The following CMKLR1 variants were observed in gnomAD, a reference collection of about 807,000 sequenced individuals.
CMKLR1 encodes chemerin-like receptor 1.
In CMKLR1, 6 loss-of-function variants were observed where a neutral mutation model predicts 8.2. The observed-to-expected ratio is 0.73, with a 90% CI of 0.40 to 1.44. The LOEUF (loss-of-function observed/expected upper bound fraction) is 1.44. Ranked by LOEUF, CMKLR1 falls within the 40% of genes most tolerant of loss-of-function variation. The pLI is 0.02. For synonymous variants in CMKLR1, 178 were observed against 181.2 expected, an observed-to-expected ratio of 0.98 and a Z score of 0.14; for missense variants, 429 against 478.0, an observed-to-expected ratio of 0.90 and a Z score of 0.96.
intron 2 of CMKLR1, among the ~76,000 whole-genome samples, chr12:108,328,143 G>GGCCA (rs1892025235): frequency 6.6e-6 from 1 of 152,172 alleles, no homozygotes; most frequent in African/African-American, 2.4e-5. Context: ...GGCCAGACAG[G>GGCCA]GCCAGCTTCC....
intron 2 of CMKLR1, among the ~76,000 whole-genome samples, chr12:108,314,942 T>TTG (rs1555253109): frequency 6.7e-6 from 1 of 149,806 alleles, no homozygotes; most frequent in African/African-American, 2.5e-5. Flanking sequence ...TTGTTTTTTT[T>TTG]TTTTTTTTTT....
chr12:108,305,264 G>A (rs1355839479), intron 2 of CMKLR1, among the ~76,000 whole-genome samples: 1 of 152,162 alleles, frequency 6.6e-6, no homozygotes, highest in Non-Finnish European at 1.5e-5. Flanking sequence ...CCGTTCCATA[G>A]ATTTGCAAAT....
intron 2 of CMKLR1, among the ~76,000 whole-genome samples, chr12:108,328,482 A>G (rs185394266): frequency 2.0e-5 from 3 of 152,308 alleles, no homozygotes; most frequent in Non-Finnish European, 4.4e-5. Context: ...TGAGGCTCAG[A>G]GCAGTTAAGC....
chr12:108,330,310 A>G (rs1422224292), intron 1 of CMKLR1, 103 bp from the exon 2 acceptor site: 5 of 152,270 alleles, frequency 3.3e-5, no homozygotes, highest in African/African-American at 9.6e-5. Context: ...AATGCAGCCC[A>G]TGAGTAACGC....
rs1442975202 is a variant in CMKLR1, at chr12:108,290,390, C to T, written c.*1451G>A. On this transcript the variant is annotated 3_prime_UTR_variant, in exon 4 of 4. Transcript: ENST00000550402. ...ATGTAAAAGGGAAGTTATAACCATACCTAACTCAGGGTTGCTGTAATGATT... is the reference window on the plus strand; with the variant it reads ...ATGTAAAAGGGAAGTTATAACCATATCTAACTCAGGGTTGCTGTAATGATT... 1 of 152,132 alleles carries T rather than the reference C, an allele frequency of 6.6e-6. No homozygotes were observed. The highest frequency in any genetic ancestry group is 1.5e-5 in the Non-Finnish European group (1 of 68,038). The allele number at this position is 152,132 out of a possible 1,614,324, so 9.4% of individuals were successfully genotyped here.
At position 108,289,487 on chromosome 12, in the gene CMKLR1, G is replaced by T. The variant is rs542090225; in HGVS notation, c.*2354C>A. On this transcript the variant is annotated 3_prime_UTR_variant, in exon 4 of 4. Coordinates refer to ENST00000550402, the MANE Select transcript of CMKLR1 (RefSeq NM_001142343.2). ...AGGAGGAAAACAGCCGGTTTGAATT[G>T]TGCTCCTGTTTATCAGCTTTTCCAA... The T allele has an allele frequency of 1.3e-5, 2 of 152,346 alleles. No homozygotes were observed. The highest frequency in any genetic ancestry group is 4.1e-4 in the South Asian group (2 of 4,826). 9.4% of individuals were successfully genotyped at this position (152,346 alleles called of 1,614,324 possible). A position where few individuals can be genotyped will look rare whatever the true frequency, so the allele number is the denominator to read the frequency against.
chr12:108,310,245 T>C (rs1008336757), intron 2 of CMKLR1, among the ~76,000 whole-genome samples: 3 of 150,470 alleles, frequency 2.0e-5, no homozygotes, highest in African/African-American at 4.9e-5. Context: ...AAGAAGAGGG[T>C]TTCAGATTGT....
rs2137287461 is a variant in CMKLR1 at position 108,290,009 on chromosome 12, C to T, written c.*1832G>A. 1 of 152,382 alleles carries T rather than the reference C, an allele frequency of 6.6e-6. No homozygotes were observed. The highest frequency in any genetic ancestry group is 1.9e-4 in the East Asian group (1 of 5,184). The allele number at this position is 152,382 out of a possible 1,614,324, so 9.4% of individuals were successfully genotyped here. ...GGGCCTCAGGCCCACAAGGGACTGCCTCCTGCCAGCTTTCCCTCCCCATTG... is the reference window on the plus strand; with the variant it reads ...GGGCCTCAGGCCCACAAGGGACTGCTTCCTGCCAGCTTTCCCTCCCCATTG... On this transcript the variant is annotated 3_prime_UTR_variant, in exon 4 of 4. Transcript: ENST00000550402.
At chr12:108,310,708 T>C (rs916977456) in intron 2 of CMKLR1, among the ~76,000 whole-genome samples, 1 of 152,080 alleles carries the variant, frequency 6.6e-6, no homozygotes, top group Non-Finnish European at 1.5e-5. Flanking sequence ...GAAGGGCCCA[T>C]ACTGTCCAGT....
At chr12:108,317,302 T>C (rs10778621) in intron 2 of CMKLR1, among the ~76,000 whole-genome samples, 88,334 of 151,980 alleles carry the variant, frequency 0.58, 26,197 homozygotes, top group East Asian at 0.74. Context: ...GTTATTAGTG[T>C]CAAGGAGAGC....
At chr12:108,332,885 G>A (rs1332165164) in intron 1 of CMKLR1, among the ~76,000 whole-genome samples, 1 of 152,086 alleles carries the variant, frequency 6.6e-6, no homozygotes, top group Non-Finnish European at 1.5e-5. Flanking sequence ...GAGGTGGGAG[G>A]ATTACTTAAG....
chr12:108,324,490 A>G (rs578030453), intron 2 of CMKLR1, among the ~76,000 whole-genome samples: 3 of 152,102 alleles, frequency 2.0e-5, no homozygotes, highest in South Asian at 2.1e-4. Flanking sequence ...CTCTACCCCA[A>G]GTTTCTCCAA....
intron 2 of CMKLR1, among the ~76,000 whole-genome samples, chr12:108,300,717 A>G (rs184420871): frequency 6.6e-6 from 1 of 152,336 alleles, no homozygotes. Flanking sequence ...TATTGGTGCA[A>G]TGGGGATAAT....
Position 108,292,827 on chromosome 12 carries a change from C to A in CMKLR1, c.136G>T (p.Val46Phe). 6.2e-7 allele frequency: 1 copy of A among 1,614,120 alleles called. No individual in the cohort carries two copies. Residue 46 changes from valine to phenylalanine, a missense_variant, in exon 4 of 4, where the codon GTC becomes TTC. Physicochemically the swap from Val to Phe is conservative, Grantham distance 50. Transcript: ENST00000550402. ...ARVTRIFLVV[V>F]YSIVCFLGIL... ...CCGAGGAAGCAGACGATGCTGTAGACCACCACCAGGAAGATCCTGGTCACC... is the reference window on the plus strand; with the variant it reads ...CCGAGGAAGCAGACGATGCTGTAGAACACCACCAGGAAGATCCTGGTCACC...
intron 2 of CMKLR1, among the ~76,000 whole-genome samples, chr12:108,304,715 C>CCGGTCA (rs1313828800): frequency 6.6e-6 from 1 of 152,248 alleles, no homozygotes; most frequent in Non-Finnish European, 1.5e-5. Context: ...CTCCTGCACA[C>CCGGTCA]CGGTCACGGG....
chr12:108,336,843 G>A (rs1475427078), intron 1 of CMKLR1, among the ~76,000 whole-genome samples: 1 of 152,208 alleles, frequency 6.6e-6, no homozygotes, highest in Non-Finnish European at 1.5e-5. Flanking sequence ...AATAGCTAAT[G>A]TTTATAGAGA....
chr12:108,297,046 G>A (rs768044149), intron 2 of CMKLR1, among the ~76,000 whole-genome samples: 8 of 152,164 alleles, frequency 5.3e-5, no homozygotes, highest in East Asian at 1.9e-4. Flanking sequence ...AAAAATATGC[G>A]TCACTATATA....
Position 108,288,960 on chromosome 12 carries a change from C to CG in CMKLR1, c.*2880_*2881insC, listed in dbSNP as rs977185771. 6.6e-6 allele frequency: 1 copy of CG among 151,870 alleles called. No individual in the cohort carries two copies. Among genetic ancestry groups the CG allele is most frequent in the African/African-American group, 2.4e-5 (1 of 41,196 alleles). 9.4% of individuals were successfully genotyped at this position (151,870 alleles called of 1,614,324 possible). On this transcript the variant is annotated 3_prime_UTR_variant, in exon 4 of 4. Transcript: ENST00000550402. ...ACAGAAACTCACTTTCTGCACCCCCCCCCCACCTTGCTATGATGGTCCCCT... is the reference window on the plus strand; with the variant it reads ...ACAGAAACTCACTTTCTGCACCCCCCGCCCCACCTTGCTATGATGGTCCCCT...
chr12:108,326,998 TGA>T (rs138633888), intron 2 of CMKLR1, among the ~76,000 whole-genome samples: 145 of 147,334 alleles, frequency 9.8e-4, no homozygotes, highest in Admixed American at 1.4e-3. Flanking sequence ...AAACTGAGGC[TGA>T]GAGAGAGAGA....
Sources: gnomAD v4.1 joint callset for allele counts (sites outside exome capture counted in the v4.1 genomes callset) on GRCh38, gnomAD v4.1.1 for gene constraint, MANE v1.5 for transcripts, NCBI Gene and HGNC (gene_info 2026-07-23, HGNC 2026-07-21) for gene names.